The following TIMELESS variants were observed in gnomAD, a reference collection of about 807,000 sequenced individuals.
TIMELESS encodes the protein protein timeless homolog.
TIMELESS carries 124 observed loss-of-function variants against 164.3 expected under a neutral mutation model. The observed-to-expected ratio is 0.75, with a 90% CI of 0.65 to 0.88. The LOEUF is 0.88. TIMELESS is among the 40% of genes least tolerant of loss of function. The pLI is 0.00. For missense variants in TIMELESS, 1,422 were observed against 1,491.4 expected, an observed-to-expected ratio of 0.95 and a Z score of 0.77; for synonymous variants, 564 against 563.4, an observed-to-expected ratio of 1.00 and a Z score of -0.02.
At chr12:56,438,071 T>G (rs921216411) in intron 1 of TIMELESS, among the ~76,000 whole-genome samples, 11 of 152,066 alleles carry the variant, frequency 7.2e-5, no homozygotes, top group Non-Finnish European at 1.6e-4. Flanking sequence ...AGATGGAGTT[T>G]CGCTCTGTCA....
Position 56,418,805 on chromosome 12 carries a change from G to A in TIMELESS, c.3229-446C>T, listed in dbSNP as rs187464841. Among the ~76,000 whole-genome samples the A allele has an allele frequency of 2.8e-4, 43 of 151,718 alleles. 1 individual carries two copies. In the East Asian group the frequency reaches 6.8e-3, roughly 24 times the overall value. ...TGTGTTGCCCAGGCCAGTCTCAAAC[G>A]ATCCTCCCACCTCAGCCTCCCAAAG... is the stretch of plus-strand genomic sequence containing the variant. On this transcript the variant is annotated intron_variant, in intron 26 of 28. Coordinates refer to ENST00000553532, the MANE Select transcript of TIMELESS (RefSeq NM_003920.5).
intron 6 of TIMELESS, 80 bp from the exon 7 acceptor site, chr12:56,432,604 T>G (rs1463297677): frequency 6.5e-6 from 10 of 1,545,634 alleles, no homozygotes; most frequent in Non-Finnish European, 8.8e-6. Context: ...ACTCATTCTT[T>G]GACCAAGCCT....
In TIMELESS at chr12:56,421,886, T is replaced by A. The variant is rs773519616; in HGVS notation, c.2642+13A>T. The A allele has an allele frequency of 2.5e-6, 4 of 1,613,700 alleles. No homozygotes were observed. The Admixed American group carries it at 6.7e-5, about 27-fold the overall frequency. ...CCCCATCCCAATAGCCTCCAGAGCA[T>A]GTGCCTCTCTACCTTTGGAAGTCCT... On this transcript the variant is annotated intron_variant, in intron 21 of 28. Transcript: ENST00000553532.
At chr12:56,433,175 A>G in intron 5 of TIMELESS, 48 bp from the exon 6 acceptor site, 1 of 1,576,994 alleles carries the variant, frequency 6.3e-7, no homozygotes, top group Non-Finnish European at 8.7e-7. Flanking sequence ...GAAGGCAGGC[A>G]GTATGTACTC....
rs767511357 is a variant in TIMELESS at position 56,420,865 on chromosome 12, G to A, written c.3057C>T (p.Leu1019=). 2.2e-5 allele frequency: 36 copies of A among 1,614,028 alleles called. No individual in the cohort carries two copies. The highest frequency in any genetic ancestry group is 2.9e-5 in the Non-Finnish European group (34 of 1,180,034). The stretch of plus-strand genomic sequence containing the variant: ...GGATCAGGCAGTTCTGGAGCCATAG[G>A]AGCGGGATAGAAAAGCCTAAGGAAA... ...SLHQEGFSIP[L]LWLQNCLIRA... The change falls in exon 25 of 29, where the codon CTC becomes CTT. Residue 1019 remains leucine, a synonymous_variant. Coordinates refer to ENST00000553532, the MANE Select transcript of TIMELESS (RefSeq NM_003920.5).
chr12:56,426,173 G>A (rs1047597064), intron 13 of TIMELESS, among the ~76,000 whole-genome samples: 3 of 152,188 alleles, frequency 2.0e-5, no homozygotes, highest in Non-Finnish European at 2.9e-5. Context: ...GCGCTACTGT[G>A]AGGATTACAT....
chr12:56,420,006 C>CAAAAAA (rs57647901), intron 26 of TIMELESS, among the ~76,000 whole-genome samples: 295 of 13,280 alleles, frequency 0.022, 69 homozygotes, highest in East Asian at 0.045. Context: ...GACTCTGTCT[C>CAAAAAA]AAAAAAAAAA....
intron 1 of TIMELESS, among the ~76,000 whole-genome samples, chr12:56,441,841 T>G (rs1868278243): frequency 6.6e-6 from 1 of 152,072 alleles, no homozygotes. Flanking sequence ...CCCAGCACTT[T>G]GGGAAGCCAA....
chr12:56,422,297 G>C, intron 19 of TIMELESS, 106 bp from the exon 20 acceptor site: 1 of 1,022,898 alleles, frequency 9.8e-7, no homozygotes, highest in East Asian at 2.5e-5. Context: ...GACAAGGCAG[G>C]TAACTGAAAG....
intron 6 of TIMELESS, 79 bp from the exon 7 acceptor site, chr12:56,432,603 T>C: frequency 6.4e-7 from 1 of 1,551,256 alleles, no homozygotes; most frequent in Non-Finnish European, 8.7e-7. Context: ...AACTCATTCT[T>C]TGACCAAGCC....
intron 1 of TIMELESS, among the ~76,000 whole-genome samples, chr12:56,444,852 G>A (rs181794833): frequency 2.8e-4 from 43 of 151,458 alleles, no homozygotes; most frequent in African/African-American, 9.5e-4. Flanking sequence ...CACTGTACGC[G>A]GCCTGATTGG....
rs774371465 is a variant in TIMELESS, at chr12:56,417,778, A to C, written c.3565T>G (p.Leu1189Val). 6.2e-7 allele frequency: 1 copy of C among 1,614,072 alleles called. No homozygotes were observed. The highest frequency in any genetic ancestry group is 1.3e-5 in the African/African-American group (1 of 75,006). Residue 1189 changes from leucine to valine, a missense_variant, in exon 29 of 29, where the codon TTG (leucine) becomes GTG (valine). Leu to Val is a conservative substitution (Grantham distance 32). Transcript: ENST00000553532. ...EDEGRNRAPE[L>V]GAPGIQKKKR... is the part of the protein sequence containing the mutation. Reference sequence around the variant, plus strand: ...TTCTTTTGGATTCCTGGAGCTCCCAACTCTGGTGCTGTGGGAACGATGGGG... The same window carrying C: ...TTCTTTTGGATTCCTGGAGCTCCCACCTCTGGTGCTGTGGGAACGATGGGG...
At chr12:56,433,304 C>G in intron 5 of TIMELESS, 77 bp downstream of exon 5, 1 of 1,531,352 alleles carries the variant, frequency 6.5e-7, no homozygotes, top group South Asian at 1.1e-5. Flanking sequence ...GGGACCATAT[C>G]TCAGCATCTC....
chr12:56,429,067 C>T lies in TIMELESS; in HGVS notation c.1120G>A (p.Asp374Asn). The change falls in exon 11 of 29, where the codon GAT (aspartate) becomes AAT (asparagine). Residue 374 changes from aspartate to asparagine, a missense_variant. Physicochemically the swap from Asp to Asn is conservative, Grantham distance 23. Transcript: ENST00000553532. Reference sequence around the variant, plus strand: ...AAGGCCCACATATAATAGGTCTCATCATGCTGCTGAGCTTTCTCCCGAAGC... The same window carrying T: ...AAGGCCCACATATAATAGGTCTCATTATGCTGCTGAGCTTTCTCCCGAAGC... ...HLLREKAQQH[D>N]ETYYMWALAF... 1 of 1,613,966 alleles carries T rather than the reference C, an allele frequency of 6.2e-7. No individual in the cohort carries two copies. The highest frequency in any genetic ancestry group is 8.5e-7 in the Non-Finnish European group (1 of 1,180,028).
rs373581814 is a variant in TIMELESS, at chr12:56,434,180, G to A, written c.-10C>T. The A allele has an allele frequency of 7.2e-5, 116 of 1,605,212 alleles. No individual in the cohort carries two copies. Among genetic ancestry groups the A allele is most frequent in the Non-Finnish European group, 6.8e-6 (8 of 1,172,000 alleles). ...TCATGTGCAAGTCCATACATCAGTG[G>A]ACCAACCAACAGAGAAGGAAGTGGA... On this transcript the variant is annotated 5_prime_UTR_variant, in exon 2 of 29. Transcript: ENST00000553532.
chr12:56,445,661 C>T (rs1240820699), intron 1 of TIMELESS, among the ~76,000 whole-genome samples: 11 of 146,080 alleles, frequency 7.5e-5, no homozygotes, highest in Non-Finnish European at 1.5e-4. Flanking sequence ...TCGCTTGAGG[C>T]GGAGGTTGCA....
rs72478986 is a variant in TIMELESS at position 56,433,425 on chromosome 12, C to A, written c.385G>T (p.Ala129Ser). The change falls in exon 5 of 29, where the codon GCT (alanine) becomes TCT (serine). Residue 129 changes from alanine to serine, a missense_variant. Coordinates refer to ENST00000553532, the MANE Select transcript of TIMELESS (RefSeq NM_003920.5). The stretch of plus-strand genomic sequence containing the variant: ...AAGGTTTCACTGAGGACTCCAAAAG[C>A]CTTCTCACTGGCAAAGGCCTGTGAA... ...AYKEAFASEK[A>S]FGVLSETLYE... 10,911 of 1,614,200 alleles carry A rather than the reference C, an allele frequency of 6.8e-3. 80 individuals are homozygous for A. Among genetic ancestry groups the A allele is most frequent in the South Asian group, 0.026 (2,340 of 91,080 alleles).
chr12:56,420,484 C>G, intron 26 of TIMELESS, 85 bp downstream of exon 26: 1 of 1,121,420 alleles, frequency 8.9e-7, no homozygotes, highest in Non-Finnish European at 1.3e-6. Context: ...ATAAGGAGGA[C>G]CACCATGACA....
At position 56,445,027 on chromosome 12, in the gene TIMELESS, T is replaced by C. The variant is rs571383299; in HGVS notation, c.-62+4283A>G. Among the ~76,000 whole-genome samples the C allele has an allele frequency of 2.0e-3, 307 of 151,976 alleles. 2 individuals are homozygous for C. Among genetic ancestry groups the C allele is most frequent in the African/African-American group, 7.0e-3 (289 of 41,446 alleles). On this transcript the variant is annotated intron_variant, in intron 1 of 28. Coordinates refer to ENST00000553532, the MANE Select transcript of TIMELESS (RefSeq NM_003920.5). ...TGTCTCAAAGATACCTTACACTCAA[T>C]AGGTCTAAAGCTGAACTCATCTTCC...
Sources: allele counts gnomAD v4.1 joint callset (sites outside exome capture counted in the v4.1 genomes callset), GRCh38; gene constraint gnomAD v4.1.1; transcripts MANE v1.5; gene names NCBI Gene and HGNC (gene_info 2026-07-23, HGNC 2026-07-21).